Variants in ADAMTS6 observed in about 807,000 individuals in gnomAD.
ADAMTS6 encodes the protein ADAM metallopeptidase with thrombospondin type 1 motif 6.
Under a neutral mutation model 144.3 loss-of-function variants are expected in ADAMTS6, and 23 were observed. That is an observed-to-expected ratio of 0.16 (90% CI 0.11 to 0.23). The LOEUF (loss-of-function observed/expected upper bound fraction) is 0.23, where lower values mean the gene tolerates loss of function less well. Ranked by LOEUF, ADAMTS6 falls within the 10% of genes least tolerant of loss-of-function variation. The probability of loss-of-function intolerance (pLI) is 1.00; values close to 1 mark genes in which losing one functional copy is unlikely to be tolerated. For synonymous variants in ADAMTS6, 444 were observed against 457.5 expected (o/e 0.97, Z 0.38); for missense variants, 999 against 1,379.6 (o/e 0.72, Z 4.37).
At chr5:65,218,868 T>C (rs1473495246) in intron 18 of ADAMTS6, among the ~76,000 whole-genome samples, 1 of 152,174 alleles carries the variant, frequency 6.6e-6, no homozygotes, top group Non-Finnish European at 1.5e-5. Flanking sequence ...AGGTAAACTG[T>C]TGTAAGGGTC....
At chr5:65,367,044 C>A (rs1377289236) in intron 7 of ADAMTS6, among the ~76,000 whole-genome samples, 2 of 151,562 alleles carry the variant, frequency 1.3e-5, no homozygotes, top group Non-Finnish European at 2.9e-5. Flanking sequence ...ACAAGGGAAT[C>A]AAGAATTATG....
chr5:65,323,962 GTTGT>G (rs1449117481), intron 9 of ADAMTS6, among the ~76,000 whole-genome samples: 1 of 152,102 alleles, frequency 6.6e-6, no homozygotes, highest in African/African-American at 2.4e-5. Context: ...TTTTGATGGG[GTTGT>G]TTGTTTTTTT....
chr5:65,447,107 A>C (rs1421247899), intron 7 of ADAMTS6, among the ~76,000 whole-genome samples: 2 of 152,190 alleles, frequency 1.3e-5, no homozygotes, highest in Non-Finnish European at 2.9e-5. Flanking sequence ...AAATATATGC[A>C]TTAGTCTGTT....
intron 5 of ADAMTS6, 21 bp downstream of exon 5, chr5:65,452,686 A>G (rs1349125480): frequency 7.4e-6 from 12 of 1,611,846 alleles, no homozygotes; most frequent in Non-Finnish European, 1.0e-5. Context: ...GTAAAATATT[A>G]TATAGAGGGA....
rs1561355788 is a variant in ADAMTS6, at chr5:65,269,790, C to CCT, written c.1620+3549_1620+3550insAG. The stretch of plus-strand genomic sequence containing the variant: ...ACATGTGATGGGCATAGTGTAAGTA[C>CCT]TTTTTTTTTTTTTTTTTTTGAGATG... On this transcript the variant is annotated intron_variant, in intron 12 of 24. Coordinates refer to ENST00000381055, the MANE Select transcript of ADAMTS6 (RefSeq NM_197941.4). 2.4e-4 allele frequency among the ~76,000 whole-genome samples: 32 copies of CCT among 133,188 alleles called. 1 individual carries two copies. Among genetic ancestry groups the CCT allele is most frequent in the Admixed American group, 2.3e-4 (3 of 13,164 alleles). The allele number at this position is 133,188 out of a possible 152,430, so 87.4% of individuals were successfully genotyped here. A position where few individuals can be genotyped will look rare whatever the true frequency, so the allele number is the denominator to read the frequency against.
At chr5:65,238,540 C>T (rs1308622564) in intron 15 of ADAMTS6, among the ~76,000 whole-genome samples, 1 of 151,108 alleles carries the variant, frequency 6.6e-6, no homozygotes, top group African/African-American at 2.4e-5. Flanking sequence ...GTGGAGGTTT[C>T]AGTGAGCCGA....
chr5:65,295,020 A>G (rs1034566340), intron 10 of ADAMTS6, among the ~76,000 whole-genome samples: 21 of 152,096 alleles, frequency 1.4e-4, no homozygotes, highest in Non-Finnish European at 2.8e-4. Flanking sequence ...AGCTACTTCT[A>G]TGTTGATGTG....
intron 12 of ADAMTS6, among the ~76,000 whole-genome samples, chr5:65,263,503 A>C (rs189498020): frequency 4.2e-4 from 64 of 152,186 alleles, no homozygotes; most frequent in African/African-American, 1.5e-3. Flanking sequence ...CAGACATAAT[A>C]AAAGTAATGC....
At chr5:65,265,449 T>C (rs1761539226) in intron 12 of ADAMTS6, among the ~76,000 whole-genome samples, 1 of 152,080 alleles carries the variant, frequency 6.6e-6, no homozygotes, top group Non-Finnish European at 1.5e-5. Context: ...TCACAACATC[T>C]GGCCAAATAA....
chr5:65,268,860 A>G (rs1240716818), intron 12 of ADAMTS6, among the ~76,000 whole-genome samples: 1 of 152,226 alleles, frequency 6.6e-6, no homozygotes, highest in Non-Finnish European at 1.5e-5. Context: ...ATCATCATGG[A>G]TTCAATCCTC....
intron 7 of ADAMTS6, among the ~76,000 whole-genome samples, chr5:65,399,523 CT>C (rs568953842): frequency 4.6e-5 from 7 of 151,146 alleles, no homozygotes; most frequent in East Asian, 3.9e-4. Context: ...AATTATGCTT[CT>C]TTTTTTTTCC....
intron 9 of ADAMTS6, among the ~76,000 whole-genome samples, chr5:65,306,925 A>G (rs1034424591): frequency 5.9e-5 from 9 of 152,192 alleles, no homozygotes; most frequent in African/African-American, 1.9e-4. Context: ...GGACTGTGTC[A>G]GTTAAATGTG....
chr5:65,371,664 C>T (rs1448121687), intron 7 of ADAMTS6, among the ~76,000 whole-genome samples: 21 of 152,144 alleles, frequency 1.4e-4, no homozygotes, highest in East Asian at 5.8e-4. Flanking sequence ...CTGAAAGTGA[C>T]GAGGAGAATG....
chr5:65,230,714 CACATAT>C (rs1389762802), intron 15 of ADAMTS6, among the ~76,000 whole-genome samples: 6 of 61,552 alleles, frequency 9.7e-5, no homozygotes, highest in Non-Finnish European at 1.8e-4. Flanking sequence ...ATATATATAA[CACATAT>C]GTATGAAATA....
At position 65,328,214 on chromosome 5, in the gene ADAMTS6, C is replaced by T. The variant is rs572158904; in HGVS notation, c.1223+1164G>A. ...GATTGCAATTTTGAAATAATGCAGC[C>T]GACTGACCCAATTTTACTCTCCACT... On this transcript the variant is annotated intron_variant, in intron 9 of 24. Transcript: ENST00000381055. Among the ~76,000 whole-genome samples, 126 of 151,772 alleles carry T rather than the reference C, an allele frequency of 8.3e-4. 1 individual carries two copies. The highest frequency in any genetic ancestry group is 2.2e-3 in the African/African-American group (91 of 41,384).
Position 65,478,025 on chromosome 5 carries a change from G to C in ADAMTS6, c.-280+3318C>G, listed in dbSNP as rs558875848. ...ACCTGTAATCCCAGCTACTCAGGGG[G>C]CTGAGGCAAGAGAATCACCTGATCA... is the stretch of plus-strand genomic sequence containing the variant. On this transcript the variant is annotated intron_variant, in intron 1 of 24. Transcript: ENST00000381055. Among the ~76,000 whole-genome samples, 3 of 152,066 alleles carry C rather than the reference G, an allele frequency of 2.0e-5. No individual in the cohort carries two copies. In the South Asian group the frequency reaches 6.2e-4, roughly 32 times the overall value.
At chr5:65,206,977 G>A (rs563840810) in intron 20 of ADAMTS6, among the ~76,000 whole-genome samples, 3 of 151,966 alleles carry the variant, frequency 2.0e-5, no homozygotes, top group Non-Finnish European at 4.4e-5. Flanking sequence ...CTATGTAAAT[G>A]TAAATGTAAA....
intron 20 of ADAMTS6, among the ~76,000 whole-genome samples, chr5:65,199,117 G>C (rs1395391014): frequency 2.0e-5 from 3 of 151,800 alleles, no homozygotes; most frequent in Non-Finnish European, 4.4e-5. Context: ...TTTTTTTATT[G>C]GTTAGTGTGA....
intron 7 of ADAMTS6, among the ~76,000 whole-genome samples, chr5:65,345,969 T>C (rs1362461242): frequency 1.3e-5 from 2 of 151,908 alleles, no homozygotes; most frequent in East Asian, 1.9e-4. Flanking sequence ...GTCCCCAAAA[T>C]CTAAACACGT....
Sources: gnomAD v4.1 joint callset for allele counts (sites outside exome capture counted in the v4.1 genomes callset) on GRCh38, gnomAD v4.1.1 for gene constraint, MANE v1.5 for transcripts, NCBI Gene and HGNC (gene_info 2026-07-23, HGNC 2026-07-21) for gene names.